ZFHX4: variants seen among roughly 807,000 people sequenced by gnomAD.
ZFHX4 encodes the protein zinc finger homeobox 4, also known as zinc finger homeobox protein 4.
A neutral mutation model predicts 267.6 loss-of-function variants in ZFHX4; 56 were observed. That is an observed-to-expected ratio of 0.21 (90% CI 0.17 to 0.26). The LOEUF (loss-of-function observed/expected upper bound fraction) is 0.26, where lower values mean the gene tolerates loss of function less well. ZFHX4 is among the 10% of genes least tolerant of loss of function. The probability of loss-of-function intolerance (pLI) is 1.00; values close to 1 mark genes in which losing one functional copy is unlikely to be tolerated. For missense variants in ZFHX4, 4,332 were observed against 4,420.0 expected (o/e 0.98, Z 0.56); for synonymous variants, 1,778 against 1,665.6 (o/e 1.07, Z -1.64).
intron 3 of ZFHX4, among the ~76,000 whole-genome samples, chr8:76,711,764 A>G (rs77867102): frequency 6.6e-6 from 1 of 152,100 alleles, no homozygotes; most frequent in Non-Finnish European, 1.5e-5. Context: ...GTAAAAAGAT[A>G]TAATGAAAAC....
chr8:76,701,262 G>A (rs1039563954), intron 1 of ZFHX4, among the ~76,000 whole-genome samples: 1 of 152,030 alleles, frequency 6.6e-6, no homozygotes, highest in Non-Finnish European at 1.5e-5. Context: ...AGAGAGTTTT[G>A]TTATTGTTGG....
At position 76,853,037 on chromosome 8, in the gene ZFHX4, C is replaced by A; in HGVS notation, c.6116C>A (p.Pro2039Gln). ...GTTTCTACTCCTCTGCAAGCTCCAC[C>A]ACCCACTCCTCCCCCACCACCACCA... ...NTVSTPLQAP[P>Q]PTPPPPPPPP... The change falls in exon 10 of 11, where the codon CCA (proline) becomes CAA (glutamine). Residue 2039 changes from proline to glutamine, a missense_variant. Physicochemically the swap from Pro to Gln is moderately conservative, Grantham distance 76. Transcript: ENST00000651372. The A allele has an allele frequency of 7.1e-7, 1 of 1,416,046 alleles. No homozygotes were observed. The highest frequency in any genetic ancestry group is 9.7e-7 in the Non-Finnish European group (1 of 1,028,238). The allele number at this position is 1,416,046 out of a possible 1,614,324, so 87.7% of individuals were successfully genotyped here. A position where few individuals can be genotyped will look rare whatever the true frequency, so the allele number is the denominator to read the frequency against.
At chr8:76,788,020 C>T (rs1810739190) in intron 4 of ZFHX4, among the ~76,000 whole-genome samples, 1 of 152,022 alleles carries the variant, frequency 6.6e-6, no homozygotes, top group South Asian at 2.1e-4. Context: ...CAACATGTTC[C>T]TTATTTTATA....
At chr8:76,779,193 G>A (rs903749718) in intron 4 of ZFHX4, among the ~76,000 whole-genome samples, 1 of 152,092 alleles carries the variant, frequency 6.6e-6, no homozygotes, top group Non-Finnish European at 1.5e-5. Context: ...ATCAAAGGTG[G>A]TTCAGGGTTT....
chr8:76,750,034 C>T (rs995637815), intron 3 of ZFHX4, among the ~76,000 whole-genome samples: 6 of 152,062 alleles, frequency 3.9e-5, no homozygotes, highest in African/African-American at 1.4e-4. Flanking sequence ...TAAAAAATAA[C>T]CTTCTAAATC....
At chr8:76,782,532 G>T (rs376632797) in intron 4 of ZFHX4, among the ~76,000 whole-genome samples, 2 of 151,826 alleles carry the variant, frequency 1.3e-5, no homozygotes, top group African/African-American at 4.8e-5. Flanking sequence ...TCTTAATTCA[G>T]TATATTACAT....
chr8:76,712,033 C>CT (rs1056441699), intron 3 of ZFHX4, among the ~76,000 whole-genome samples: 3 of 152,144 alleles, frequency 2.0e-5, no homozygotes, highest in African/African-American at 4.8e-5. Context: ...TATACTACCT[C>CT]TTTTTTTCCT....
intron 3 of ZFHX4, among the ~76,000 whole-genome samples, chr8:76,777,046 C>A (rs1446856743): frequency 6.6e-6 from 1 of 150,960 alleles, no homozygotes; most frequent in African/African-American, 2.5e-5. Flanking sequence ...AAATAAATAC[C>A]ACCTGTGCCC....
intron 4 of ZFHX4, among the ~76,000 whole-genome samples, chr8:76,787,244 C>T (rs145111296): frequency 3.3e-4 from 50 of 152,154 alleles, no homozygotes; most frequent in African/African-American, 1.1e-3. Flanking sequence ...TGTTGTAAGA[C>T]AGGTAAGAAC....
intron 3 of ZFHX4, chr8:76,708,359 A>AT (rs561971571): frequency 0.15 from 32,799 of 224,600 alleles, 3,439 homozygotes; most frequent in African/African-American, 0.38. Context: ...AAACCTATTG[A>AT]TTTTTTTTTT....
At chr8:76,801,315 C>T (rs1563530368) in intron 4 of ZFHX4, among the ~76,000 whole-genome samples, 1 of 152,122 alleles carries the variant, frequency 6.6e-6, no homozygotes, top group South Asian at 2.1e-4. Context: ...GGAATGTATA[C>T]AATTAGAAGA....
intron 3 of ZFHX4, among the ~76,000 whole-genome samples, chr8:76,771,346 C>A (rs979796056): frequency 6.6e-6 from 1 of 152,176 alleles, no homozygotes; most frequent in Non-Finnish European, 1.5e-5. Flanking sequence ...AATTCCAGCA[C>A]CTAGAACAGT....
chr8:76,857,383 T>C (rs1432893931), intron 10 of ZFHX4, among the ~76,000 whole-genome samples: 1 of 145,944 alleles, frequency 6.9e-6, no homozygotes, highest in Non-Finnish European at 1.5e-5. Flanking sequence ...TATATATATC[T>C]ACATTTACAA....
Position 76,850,959 on chromosome 8 carries a change from G to A in ZFHX4, c.4038G>A (p.Glu1346=), listed in dbSNP as rs1357260162. ...AGGCTAATGTGGAAGTAAAGAATGA[G>A]GAGCAGAAACCGACTAAAGAACCCT... ...DSKANVEVKN[E]EQKPTKEPLE... is the part of the protein sequence containing the mutation. The change falls in exon 10 of 11, where the codon GAG becomes GAA. Residue 1346 remains glutamate (E), a synonymous_variant. Coordinates refer to ENST00000651372, the MANE Select transcript of ZFHX4 (RefSeq NM_024721.5). 3 of 1,613,450 alleles carry A rather than the reference G, an allele frequency of 1.9e-6. No individual in the cohort carries two copies. The highest frequency in any genetic ancestry group is 2.5e-6 in the Non-Finnish European group (3 of 1,179,734).
chr8:76,836,263 C>G (rs1354548356), intron 5 of ZFHX4, among the ~76,000 whole-genome samples: 1 of 152,060 alleles, frequency 6.6e-6, no homozygotes, highest in Non-Finnish European at 1.5e-5. Context: ...AAAGTGTGGT[C>G]CCCTTTCAAA....
At chr8:76,692,854 T>C (rs1404908057) in intron 1 of ZFHX4, among the ~76,000 whole-genome samples, 1 of 152,204 alleles carries the variant, frequency 6.6e-6, no homozygotes, top group Non-Finnish European at 1.5e-5. Context: ...TATGTTTGGT[T>C]CATAACACTT....
intron 3 of ZFHX4, among the ~76,000 whole-genome samples, chr8:76,725,954 TTGAGGAAG>T (rs1808841549): frequency 1.3e-5 from 2 of 152,162 alleles, no homozygotes; most frequent in Admixed American, 6.6e-5. Context: ...TTTGTGTTGC[TTGAGGAAG>T]CAACTGATAT....
In ZFHX4 at chr8:76,863,593, GGAGAGCCTCTTT is replaced by G; in HGVS notation, c.9880_9891del (p.Glu3294_Phe3297del). On this transcript the variant is annotated inframe_deletion, in exon 11 of 11. Transcript: ENST00000651372. ...GATACTTCCCACCTGTCTGTGGCAT[GGAGAGCCTCTTT>G]CCTTATGGCCCTACAATGCCCCAGA... 6.2e-7 allele frequency: 1 copy of G among 1,613,748 alleles called. No individual in the cohort carries two copies. Among genetic ancestry groups the G allele is most frequent in the Non-Finnish European group, 8.5e-7 (1 of 1,179,830 alleles).
Position 76,725,986 on chromosome 8 carries a change from G to A in ZFHX4, c.3093+17938G>A, listed in dbSNP as rs193253021. 2.2e-4 allele frequency among the ~76,000 whole-genome samples: 33 copies of A among 152,244 alleles called. 1 individual carries two copies. The highest frequency in any genetic ancestry group is 3.4e-4 in the Non-Finnish European group (23 of 68,008). On this transcript the variant is annotated intron_variant, in intron 3 of 10. Coordinates refer to ENST00000651372, the MANE Select transcript of ZFHX4 (RefSeq NM_024721.5). ...AGCAACTGATATGAAATACCAGGAG[G>A]CTGAAGGAGTGGGGCAGTTTGTTGT...
Sources: gnomAD v4.1 joint callset for allele counts (sites outside exome capture counted in the v4.1 genomes callset) on GRCh38, gnomAD v4.1.1 for gene constraint, MANE v1.5 for transcripts, NCBI Gene and HGNC (gene_info 2026-07-23, HGNC 2026-07-21) for gene names.